The following CNTN5 variants were observed in gnomAD, a reference collection of about 807,000 sequenced individuals.
CNTN5 encodes contactin 5.
CNTN5 carries 77 observed loss-of-function variants against 129.1 expected under a neutral mutation model. The ratio of observed to expected loss-of-function variants is 0.60; its 90% confidence interval spans 0.50 to 0.72. The LOEUF (loss-of-function observed/expected upper bound fraction) is 0.72, where lower values mean the gene tolerates loss of function less well. Ranked by LOEUF, CNTN5 falls within the 30% of genes least tolerant of loss-of-function variation. The probability of loss-of-function intolerance (pLI) is 0.00; values close to 1 mark genes in which losing one functional copy is unlikely to be tolerated. For missense variants in CNTN5, 1,478 were observed against 1,328.8 expected (o/e 1.11, Z -1.75); for synonymous variants, 509 against 465.6 (o/e 1.09, Z -1.20).
chr11:99,640,329 T>G (rs572525945), intron 3 of CNTN5, among the ~76,000 whole-genome samples: 2 of 152,332 alleles, frequency 1.3e-5, no homozygotes, highest in African/African-American at 4.8e-5. Context: ...AAAAATTTAA[T>G]TGGACTTATA....
At chr11:100,097,534 G>T (rs548833156) in intron 13 of CNTN5, among the ~76,000 whole-genome samples, 69 of 152,018 alleles carry the variant, frequency 4.5e-4, no homozygotes, top group Non-Finnish European at 2.1e-4. Flanking sequence ...AGTTATTCCT[G>T]GCAATTGACT....
intron 1 of CNTN5, among the ~76,000 whole-genome samples, chr11:99,189,453 A>T (rs1858520846): frequency 6.6e-6 from 1 of 151,560 alleles, no homozygotes; most frequent in African/African-American, 2.4e-5. Flanking sequence ...TATTTGAAGA[A>T]CCTCTGTGTA....
At chr11:100,073,601 C>G (rs1944014973) in intron 12 of CNTN5, among the ~76,000 whole-genome samples, 2 of 151,306 alleles carry the variant, frequency 1.3e-5, no homozygotes, top group African/African-American at 4.9e-5. Context: ...ATGATCAAAC[C>G]TAAGTGAAAA....
intron 1 of CNTN5, among the ~76,000 whole-genome samples, chr11:99,256,782 C>A (rs1351353116): frequency 6.6e-6 from 1 of 151,926 alleles, no homozygotes; most frequent in African/African-American, 2.4e-5. Context: ...ACTGAATTCA[C>A]AAACTATACA....
intron 1 of CNTN5, among the ~76,000 whole-genome samples, chr11:99,206,129 T>G (rs528729567): frequency 6.6e-6 from 1 of 152,304 alleles, no homozygotes; most frequent in Non-Finnish European, 1.5e-5. Context: ...AAATGTCCTG[T>G]GTTCCTCTCC....
intron 21 of CNTN5, among the ~76,000 whole-genome samples, chr11:100,334,474 T>G (rs1366893848): frequency 1.3e-5 from 2 of 152,244 alleles, no homozygotes; most frequent in East Asian, 1.9e-4. Flanking sequence ...AAAAGATACT[T>G]GCACACACGT....
chr11:99,928,129 A>G (rs1247631110), intron 7 of CNTN5, among the ~76,000 whole-genome samples: 1 of 152,224 alleles, frequency 6.6e-6, no homozygotes, highest in Non-Finnish European at 1.5e-5. Context: ...TCCAACATCC[A>G]GGTCACACTG....
intron 6 of CNTN5, among the ~76,000 whole-genome samples, chr11:99,858,536 C>A (rs12797561): frequency 1 from 151,848 of 151,854 alleles, 75,921 homozygotes; most frequent in Middle Eastern, 1. Context: ...TAACAGTTGC[C>A]AAAGCTATCA....
intron 15 of CNTN5, among the ~76,000 whole-genome samples, chr11:100,216,360 A>T (rs10894620): frequency 0.055 from 8,396 of 152,224 alleles, 680 homozygotes; most frequent in African/African-American, 0.18. Flanking sequence ...AAATAATATT[A>T]ATCTTAAAAG....
intron 13 of CNTN5, among the ~76,000 whole-genome samples, chr11:100,112,540 A>G (rs1945689841): frequency 6.6e-6 from 1 of 151,998 alleles, no homozygotes; most frequent in Admixed American, 6.6e-5. Flanking sequence ...TAGAACTGTA[A>G]TTTTCTGACA....
chr11:99,483,174 C>CAAAAA (rs34200342), intron 2 of CNTN5, among the ~76,000 whole-genome samples: 5 of 59,542 alleles, frequency 8.4e-5, no homozygotes, highest in African/African-American at 2.2e-4. Context: ...GACTCCTTCT[C>CAAAAA]AAAAAAAAAA....
intron 2 of CNTN5, among the ~76,000 whole-genome samples, chr11:99,413,193 A>G (rs1244068214): frequency 1.3e-5 from 2 of 152,214 alleles, no homozygotes; most frequent in East Asian, 3.9e-4. Context: ...TTAACGGGGA[A>G]GGTATAATGT....
intron 2 of CNTN5, among the ~76,000 whole-genome samples, chr11:99,431,350 T>C (rs1943362676): frequency 6.6e-6 from 1 of 152,116 alleles, no homozygotes; most frequent in African/African-American, 2.4e-5. Flanking sequence ...AAGCTCATAC[T>C]TACCCTCCCT....
intron 1 of CNTN5, among the ~76,000 whole-genome samples, chr11:99,024,854 G>A (rs989003110): frequency 6.6e-6 from 1 of 151,920 alleles, no homozygotes; most frequent in Non-Finnish European, 1.5e-5. Flanking sequence ...TATCATTCAT[G>A]AGAATCTTAA....
chr11:99,883,074 A>G (rs1177119186), intron 6 of CNTN5, among the ~76,000 whole-genome samples: 1 of 152,194 alleles, frequency 6.6e-6, no homozygotes, highest in African/African-American at 2.4e-5. Context: ...TTGTGGCTGA[A>G]TAGTACCCCG....
intron 3 of CNTN5, among the ~76,000 whole-genome samples, chr11:99,587,757 TCTTAAA>T (rs1949846447): frequency 3.7e-5 from 1 of 27,306 alleles, no homozygotes; most frequent in East Asian, 1.1e-3. Flanking sequence ...CAGAGTTCTC[TCTTAAA>T]CAAAATAAAT....
intron 2 of CNTN5, among the ~76,000 whole-genome samples, chr11:99,552,608 T>C (rs1204227058): frequency 6.6e-6 from 1 of 152,010 alleles, no homozygotes; most frequent in Admixed American, 6.6e-5. Context: ...AAAAAACTGA[T>C]GTTGGAGAGG....
chr11:99,880,761 T>C (rs1261632164), intron 6 of CNTN5, among the ~76,000 whole-genome samples: 1 of 152,206 alleles, frequency 6.6e-6, no homozygotes, highest in East Asian at 1.9e-4. Flanking sequence ...TCAAGGATAT[T>C]ATTATACAAC....
intron 6 of CNTN5, among the ~76,000 whole-genome samples, chr11:99,870,598 C>T (rs780725070): frequency 6.6e-6 from 1 of 152,074 alleles, no homozygotes; most frequent in Non-Finnish European, 1.5e-5. Flanking sequence ...CAGAAGTAAA[C>T]ATTCTACCAT....
Sources: allele counts gnomAD v4.1 joint callset (sites outside exome capture counted in the v4.1 genomes callset), GRCh38; gene constraint gnomAD v4.1.1; transcripts MANE v1.5; gene names NCBI Gene and HGNC (gene_info 2026-07-23, HGNC 2026-07-21).